The following CCSER1 variants were observed in gnomAD, a reference collection of about 807,000 sequenced individuals.
The protein encoded by CCSER1 is coiled-coil serine rich protein 1.
In CCSER1, 41 loss-of-function variants were observed where a neutral mutation model predicts 82.0. The ratio of observed to expected loss-of-function variants is 0.50; its 90% CI spans 0.39 to 0.65. CCSER1 has a LOEUF of 0.65. CCSER1 is among the 30% of genes least tolerant of loss of function. The probability of loss-of-function intolerance (pLI) is 0.00; values close to 1 mark genes in which losing one functional copy is unlikely to be tolerated. For synonymous variants in CCSER1, 414 were observed against 383.9 expected (o/e 1.08, Z -0.92); for missense variants, 1,119 against 1,064.2 (o/e 1.05, Z -0.72).
At chr4:91,286,353 T>C (rs1258107622) in intron 10 of CCSER1, among the ~76,000 whole-genome samples, 2 of 151,854 alleles carry the variant, frequency 1.3e-5, no homozygotes, top group Admixed American at 6.6e-5. Flanking sequence ...TTTTCCACTT[T>C]CAGAGAAAAC....
At chr4:91,459,389 G>A (rs1756375397) in intron 10 of CCSER1, among the ~76,000 whole-genome samples, 2 of 152,170 alleles carry the variant, frequency 1.3e-5, no homozygotes, top group South Asian at 4.1e-4. Flanking sequence ...GTTTCTGGGA[G>A]CAGATGGATA....
intron 1 of CCSER1, among the ~76,000 whole-genome samples, chr4:90,217,263 C>T (rs1373155930): frequency 1.3e-5 from 2 of 152,086 alleles, no homozygotes; most frequent in Non-Finnish European, 2.9e-5. Flanking sequence ...GTGGTGCGAT[C>T]TCGGCTCACT....
At chr4:90,626,352 A>G (rs982218022) in intron 5 of CCSER1, among the ~76,000 whole-genome samples, 1 of 152,228 alleles carries the variant, frequency 6.6e-6, no homozygotes, top group Non-Finnish European at 1.5e-5. Flanking sequence ...CTCTAATTTA[A>G]TATATACCTA....
chr4:90,180,830 C>T (rs1445147329), intron 1 of CCSER1, among the ~76,000 whole-genome samples: 1 of 152,058 alleles, frequency 6.6e-6, no homozygotes, highest in Non-Finnish European at 1.5e-5. Context: ...CAACAAATAA[C>T]ACTTCAAAAT....
At chr4:91,173,418 C>T (rs539439750) in intron 10 of CCSER1, among the ~76,000 whole-genome samples, 19 of 152,118 alleles carry the variant, frequency 1.2e-4, no homozygotes, top group South Asian at 1.0e-3. Context: ...CACGGTGAAA[C>T]CCCGTCTCTA....
intron 1 of CCSER1, among the ~76,000 whole-genome samples, chr4:90,204,443 A>T (rs1738391518): frequency 6.6e-6 from 1 of 152,228 alleles, no homozygotes; most frequent in Admixed American, 6.5e-5. Context: ...CATTTATTAA[A>T]TATGGAATCC....
intron 9 of CCSER1, among the ~76,000 whole-genome samples, chr4:91,073,059 T>C (rs186554308): frequency 1.9e-4 from 29 of 152,200 alleles, no homozygotes; most frequent in Non-Finnish European, 3.5e-4. Flanking sequence ...TATTCTTTTT[T>C]TAAATGGGAC....
intron 9 of CCSER1, among the ~76,000 whole-genome samples, chr4:90,992,197 G>C (rs1490157044): frequency 6.6e-6 from 1 of 152,064 alleles, no homozygotes; most frequent in Non-Finnish European, 1.5e-5. Context: ...TTGAGCCATT[G>C]TGCCATTAAC....
chr4:91,180,423 G>A (rs1477286652), intron 10 of CCSER1, among the ~76,000 whole-genome samples: 1 of 152,236 alleles, frequency 6.6e-6, no homozygotes, highest in East Asian at 1.9e-4. Context: ...GTCTACAGAG[G>A]CAGGCAGGCC....
At chr4:91,367,608 C>A (rs891865663) in intron 10 of CCSER1, among the ~76,000 whole-genome samples, 9 of 151,908 alleles carry the variant, frequency 5.9e-5, no homozygotes, top group African/African-American at 1.9e-4. Flanking sequence ...AGTTTCTATC[C>A]TTTTGTAATC....
At chr4:90,382,600 A>G (rs770590745) in intron 3 of CCSER1, among the ~76,000 whole-genome samples, 25 of 152,238 alleles carry the variant, frequency 1.6e-4, no homozygotes, top group Admixed American at 7.8e-4. Flanking sequence ...TTAGTCTTTC[A>G]AATGAATGGG....
Position 90,541,712 on chromosome 4 carries a change from G to GATTTATAAATGTTATGATGTTATGTT in CCSER1, c.1724+73385_1724+73410dup, listed in dbSNP as rs1231360488. On this transcript the variant is annotated intron_variant, in intron 5 of 10. Coordinates refer to ENST00000509176, the MANE Select transcript of CCSER1 (RefSeq NM_001145065.2). Reference sequence around the variant, plus strand: ...CTAATATCTGTATGCATATATATTTGATTTATAAATGTTATGATGTTATGT... The same window carrying GATTTATAAATGTTATGATGTTATGTT: ...CTAATATCTGTATGCATATATATTTGATTTATAAATGTTATGATGTTATGTTATTTATAAATGTTATGATGTTATGT... Among the ~76,000 whole-genome samples, 143 of 151,994 alleles carry GATTTATAAATGTTATGATGTTATGTT rather than the reference G, an allele frequency of 9.4e-4. 2 individuals are homozygous for GATTTATAAATGTTATGATGTTATGTT. The highest frequency in any genetic ancestry group is 3.3e-3 in the African/African-American group (135 of 41,448).
chr4:90,321,384 G>A (rs1252072343), intron 3 of CCSER1, among the ~76,000 whole-genome samples: 2 of 152,028 alleles, frequency 1.3e-5, no homozygotes, highest in Admixed American at 1.3e-4. Flanking sequence ...TGTTGCAATT[G>A]ACAGGATCTC....
chr4:90,240,213 G>A (rs992632586), intron 1 of CCSER1, among the ~76,000 whole-genome samples: 7 of 152,146 alleles, frequency 4.6e-5, no homozygotes, highest in Non-Finnish European at 7.4e-5. Flanking sequence ...CAGAGGACAT[G>A]AGCACCCTCC....
Position 90,912,956 on chromosome 4 carries a change from C to T in CCSER1, c.2095-10414C>T, listed in dbSNP as rs192853044. ...TTAGAGAAAAAGGAATGAAAAGAAACGAACAAAGCCTCCAAGAAATATGGG... is the reference window on the plus strand; with the variant it reads ...TTAGAGAAAAAGGAATGAAAAGAAATGAACAAAGCCTCCAAGAAATATGGG... On this transcript the variant is annotated intron_variant, in intron 8 of 10. Coordinates refer to ENST00000509176, the MANE Select transcript of CCSER1 (RefSeq NM_001145065.2). 2.5e-4 allele frequency among the ~76,000 whole-genome samples: 38 copies of T among 152,162 alleles called. 4 individuals carry two copies. The East Asian group carries it at 4.3e-3, about 17-fold the overall frequency.
chr4:90,656,608 T>G (rs1729748731), intron 6 of CCSER1, among the ~76,000 whole-genome samples: 1 of 151,916 alleles, frequency 6.6e-6, no homozygotes. Flanking sequence ...TTAAAAATCC[T>G]TTTTATCTTT....
chr4:90,750,053 C>A (rs4362789), intron 7 of CCSER1, among the ~76,000 whole-genome samples: 2 of 151,812 alleles, frequency 1.3e-5, no homozygotes, highest in African/African-American at 4.8e-5. Flanking sequence ...TGATGGTGAG[C>A]ATTTTTTCAT....
At chr4:91,456,226 C>T (rs1319653699) in intron 10 of CCSER1, among the ~76,000 whole-genome samples, 1 of 151,968 alleles carries the variant, frequency 6.6e-6, no homozygotes, top group Non-Finnish European at 1.5e-5. Context: ...TTTCTTGGGC[C>T]TCATTTCATA....
At chr4:90,160,694 C>T (rs1578254837) in intron 1 of CCSER1, among the ~76,000 whole-genome samples, 2 of 152,132 alleles carry the variant, frequency 1.3e-5, no homozygotes, top group East Asian at 3.9e-4. Context: ...CTTGAAGAAT[C>T]ATGAGGTAGA....
Sources: gnomAD v4.1 joint callset for allele counts (sites outside exome capture counted in the v4.1 genomes callset) on GRCh38, gnomAD v4.1.1 for gene constraint, MANE v1.5 for transcripts, NCBI Gene and HGNC (gene_info 2026-07-23, HGNC 2026-07-21) for gene names.